The following KCNU1 variants were observed in gnomAD, a reference collection of about 807,000 sequenced individuals.
KCNU1 encodes the protein potassium channel subfamily U member 1.
KCNU1 carries 93 observed loss-of-function variants against 126.8 expected under a neutral mutation model. The observed-to-expected ratio is 0.73, with a 90% CI of 0.62 to 0.87. The LOEUF is 0.87. Among genes scored for constraint, KCNU1 ranks in the 40% least tolerant of loss-of-function variants. KCNU1 has a pLI of 0.00. For synonymous variants in KCNU1, 523 were observed against 494.2 expected (o/e 1.06, Z -0.77); for missense variants, 1,330 against 1,367.1 (o/e 0.97, Z 0.43).
chr8:36,843,016 C>G (rs553534638), intron 16 of KCNU1, among the ~76,000 whole-genome samples: 2 of 152,294 alleles, frequency 1.3e-5, no homozygotes, highest in African/African-American at 4.8e-5. Context: ...CTTTTGACTG[C>G]AGAACCAAAT....
intron 18 of KCNU1, among the ~76,000 whole-genome samples, chr8:36,852,071 G>GT (rs1306691379): frequency 4.6e-5 from 7 of 151,906 alleles, no homozygotes; most frequent in Admixed American, 6.6e-5. Context: ...TATTGTCAAG[G>GT]TTTTTTCTCA....
intron 18 of KCNU1, among the ~76,000 whole-genome samples, chr8:36,860,164 G>T (rs1247021492): frequency 6.6e-6 from 1 of 152,012 alleles, no homozygotes; most frequent in Admixed American, 6.6e-5. Context: ...TGCAGTCTCC[G>T]CCTTCGAGGT....
intron 7 of KCNU1, among the ~76,000 whole-genome samples, chr8:36,809,705 C>G (rs978306883): frequency 2.0e-5 from 3 of 152,098 alleles, no homozygotes; most frequent in African/African-American, 7.2e-5. Flanking sequence ...CTGGGCCCAC[C>G]AGGGGATAAG....
intron 19 of KCNU1, among the ~76,000 whole-genome samples, chr8:36,872,613 A>G (rs1335748020): frequency 6.6e-6 from 1 of 152,208 alleles, no homozygotes; most frequent in Non-Finnish European, 1.5e-5. Flanking sequence ...TAAGACTTTG[A>G]GAGAAGTTCC....
At chr8:36,854,941 T>C (rs1333732233) in intron 18 of KCNU1, among the ~76,000 whole-genome samples, 1 of 152,196 alleles carries the variant, frequency 6.6e-6, no homozygotes, top group Non-Finnish European at 1.5e-5. Flanking sequence ...GGTAAGCTTA[T>C]AATTGGACAA....
chr8:36,893,883 T>G (rs2117456793), intron 19 of KCNU1, among the ~76,000 whole-genome samples: 1 of 152,250 alleles, frequency 6.6e-6, no homozygotes, highest in East Asian at 1.9e-4. Context: ...AGTTACTTTT[T>G]ATAGTTATTT....
At chr8:36,921,706 T>TAGGAACAAA (rs1808356287) in intron 23 of KCNU1, among the ~76,000 whole-genome samples, 2 of 149,344 alleles carry the variant, frequency 1.3e-5, no homozygotes, top group Admixed American at 6.7e-5. Context: ...AAAGGCAGCC[T>TAGGAACAAA]GTGCATCTCT....
At chr8:36,850,327 A>C (rs1805295527) in intron 18 of KCNU1, among the ~76,000 whole-genome samples, 1 of 152,050 alleles carries the variant, frequency 6.6e-6, no homozygotes. Flanking sequence ...TCAATGATAT[A>C]TTTTTTATTT....
Position 36,817,776 on chromosome 8 carries a change from T to A in KCNU1, c.1106+16T>A. ...TCCTGGGAGAGTAAGTATATCTGTA[T>A]GGCTCATGGGTTCTAAATTAATACT... On this transcript the variant is annotated intron_variant, in intron 10 of 26. Transcript: ENST00000399881. The A allele has an allele frequency of 1.6e-6, 2 of 1,255,744 alleles. No individual in the cohort carries two copies. Among genetic ancestry groups the A allele is most frequent in the Non-Finnish European group, 2.3e-6 (2 of 852,694 alleles). 77.8% of individuals were successfully genotyped at this position (1,255,744 alleles called of 1,614,324 possible).
intron 19 of KCNU1, among the ~76,000 whole-genome samples, chr8:36,895,220 A>C (rs1807138635): frequency 6.6e-6 from 1 of 151,948 alleles, no homozygotes; most frequent in South Asian, 2.1e-4. Flanking sequence ...CTGGGATTAC[A>C]GGCACTGACC....
chr8:36,853,685 G>C (rs1196146655), intron 18 of KCNU1, among the ~76,000 whole-genome samples: 2 of 152,016 alleles, frequency 1.3e-5, no homozygotes. Flanking sequence ...GTCTATCCTG[G>C]AGACTATTCA....
At chr8:36,910,871 G>A (rs1196263283) in intron 21 of KCNU1, 59 bp from the exon 22 acceptor site, 4 of 1,231,990 alleles carry the variant, frequency 3.2e-6, no homozygotes, top group Non-Finnish European at 4.6e-6. Flanking sequence ...ACCACCATGA[G>A]CCATGATATA....
chr8:36,787,009 C>T (rs921194702), intron 1 of KCNU1, among the ~76,000 whole-genome samples: 6 of 152,150 alleles, frequency 3.9e-5, no homozygotes, highest in African/African-American at 1.4e-4. Flanking sequence ...GCTCCCAATT[C>T]TGATCATTGC....
intron 19 of KCNU1, among the ~76,000 whole-genome samples, chr8:36,878,914 T>A (rs2073488409): frequency 1.4e-5 from 2 of 147,778 alleles, no homozygotes; most frequent in Admixed American, 1.4e-4. Flanking sequence ...TTATATAATA[T>A]ATGTTTTATA....
chr8:36,800,681 C>T (rs1378790897), intron 2 of KCNU1, among the ~76,000 whole-genome samples: 2 of 152,182 alleles, frequency 1.3e-5, no homozygotes, highest in African/African-American at 4.8e-5. Context: ...CTCCTCCAAC[C>T]CAATGAAAAA....
rs1209208747 is a variant in KCNU1 at position 36,918,689 on chromosome 8, TAAAGG to T, written c.2522-132_2522-128del. ...ATAACAATTTTTTGTCTAAACATAGTAAAGGATTTGGGATTTATACATGAAAGTAA... is the reference window on the plus strand; with the variant it reads ...ATAACAATTTTTTGTCTAAACATAGTATTTGGGATTTATACATGAAAGTAA... On this transcript the variant is annotated intron_variant, in intron 22 of 26. Transcript: ENST00000399881. The T allele has an allele frequency of 6.1e-6, 4 of 652,618 alleles. No individual in the cohort carries two copies. In the African/African-American group the frequency reaches 7.3e-5, roughly 12 times the overall value. The allele number at this position is 652,618 out of a possible 1,614,324, so 40.4% of individuals were successfully genotyped here. A position where few individuals can be genotyped will look rare whatever the true frequency, so the allele number is the denominator to read the frequency against.
chr8:36,829,277 T>C (rs916022595), intron 10 of KCNU1, among the ~76,000 whole-genome samples: 5 of 152,062 alleles, frequency 3.3e-5, no homozygotes, highest in Non-Finnish European at 5.9e-5. Flanking sequence ...AATGTTATTA[T>C]AGTCAAATAT....
intron 18 of KCNU1, among the ~76,000 whole-genome samples, chr8:36,862,053 A>G (rs561735149): frequency 6.6e-6 from 1 of 152,244 alleles, no homozygotes. Context: ...GAAATCTGTA[A>G]GGTATCCATA....
Position 36,929,849 on chromosome 8 carries a change from G to A in KCNU1, c.2737-1102G>A, listed in dbSNP as rs149568437. 6.6e-5 allele frequency among the ~76,000 whole-genome samples: 10 copies of A among 152,174 alleles called. No individual in the cohort carries two copies. In the East Asian group the frequency reaches 1.7e-3, roughly 27 times the overall value. ...AAAAGGTTGAGGAGGTGGAGGTCACGATCTGATTTGTGTTTCTGGGAATTG... is the reference window on the plus strand; with the variant it reads ...AAAAGGTTGAGGAGGTGGAGGTCACAATCTGATTTGTGTTTCTGGGAATTG... On this transcript the variant is annotated intron_variant, in intron 24 of 26. Coordinates refer to ENST00000399881, the MANE Select transcript of KCNU1 (RefSeq NM_001031836.3).
Sources: allele counts gnomAD v4.1 joint callset (sites outside exome capture counted in the v4.1 genomes callset), GRCh38; gene constraint gnomAD v4.1.1; transcripts MANE v1.5; gene names NCBI Gene and HGNC (gene_info 2026-07-23, HGNC 2026-07-21).